TACR3: variants seen among roughly 807,000 people sequenced by gnomAD.
The protein encoded by TACR3 is neuromedin-K receptor.
TACR3 carries 34 observed loss-of-function variants against 35.0 expected under a neutral mutation model. The observed-to-expected ratio is 0.97, with a 90% CI of 0.74 to 1.30. The LOEUF (loss-of-function observed/expected upper bound fraction) is 1.30. Among genes scored for constraint, TACR3 ranks in the 50% most tolerant of loss-of-function variants. TACR3 has a pLI of 0.00. For synonymous variants in TACR3, 233 were observed against 221.1 expected, an observed-to-expected ratio of 1.05 and a Z score of -0.48; for missense variants, 558 against 591.7, an observed-to-expected ratio of 0.94 and a Z score of 0.59.
intron 1 of TACR3, among the ~76,000 whole-genome samples, chr4:103,661,329 C>T (rs555759024): frequency 6.6e-6 from 1 of 152,182 alleles, no homozygotes; most frequent in South Asian, 2.1e-4. Flanking sequence ...TGTTCCTGCT[C>T]ATGTTGATTA....
intron 3 of TACR3, among the ~76,000 whole-genome samples, chr4:103,654,275 T>C (rs1725683324): frequency 6.6e-6 from 1 of 151,614 alleles, no homozygotes; most frequent in East Asian, 1.9e-4. Context: ...CTATTCACAA[T>C]AGCAAAGACT....
At chr4:103,674,558 CTTGTT>C (rs550186928) in intron 1 of TACR3, among the ~76,000 whole-genome samples, 2 of 152,046 alleles carry the variant, frequency 1.3e-5, no homozygotes, top group Non-Finnish European at 2.9e-5. Flanking sequence ...ACATTTTTCT[CTTGTT>C]TTGTTTTGAG....
At chr4:103,590,064 A>G in intron 4 of TACR3, 70 bp from the exon 5 acceptor site, 1 of 1,549,196 alleles carries the variant, frequency 6.5e-7, no homozygotes, top group Non-Finnish European at 8.7e-7. Context: ...GCTGCCACAG[A>G]AAATTCTACC....
intron 1 of TACR3, among the ~76,000 whole-genome samples, chr4:103,711,941 T>C (rs1434297281): frequency 2.0e-5 from 3 of 152,136 alleles, no homozygotes; most frequent in East Asian, 3.9e-4. Context: ...TTACAAGGGA[T>C]GTGAAGGACC....
At chr4:103,709,582 G>A (rs1310506558) in intron 1 of TACR3, among the ~76,000 whole-genome samples, 3 of 152,160 alleles carry the variant, frequency 2.0e-5, no homozygotes, top group Non-Finnish European at 4.4e-5. Flanking sequence ...TCAATGCCAG[G>A]AAGAAACTGC....
At chr4:103,604,837 TTTA>T (rs1724310456) in intron 3 of TACR3, among the ~76,000 whole-genome samples, 1 of 148,070 alleles carries the variant, frequency 6.8e-6, no homozygotes, top group African/African-American at 2.7e-5. Context: ...TTTTTTTCTT[TTTA>T]TTATTATACT....
chr4:103,638,885 A>G (rs1327897018), intron 3 of TACR3, among the ~76,000 whole-genome samples: 5 of 152,152 alleles, frequency 3.3e-5, no homozygotes, highest in Non-Finnish European at 5.9e-5. Context: ...CAAAACCACA[A>G]TGAGATACCA....
chr4:103,659,093 C>T (rs75531369), intron 1 of TACR3, among the ~76,000 whole-genome samples: 5,538 of 152,150 alleles, frequency 0.036, 153 homozygotes, highest in Non-Finnish European at 0.057. Flanking sequence ...TGACAGGAGG[C>T]GGAGCTCAGG....
chr4:103,655,110 A>C (rs1725704837), intron 3 of TACR3, among the ~76,000 whole-genome samples: 2 of 152,204 alleles, frequency 1.3e-5, no homozygotes, highest in South Asian at 4.1e-4. Context: ...GCTCATTCTT[A>C]CTTTTTGTTT....
intron 1 of TACR3, among the ~76,000 whole-genome samples, chr4:103,716,641 GA>G (rs1723097218): frequency 2.0e-5 from 3 of 152,072 alleles, no homozygotes; most frequent in Admixed American, 2.0e-4. Flanking sequence ...AGAGTCATAA[GA>G]GGCTGCAACC....
In TACR3 at chr4:103,587,298, A is replaced by T. The variant is rs1026474759; in HGVS notation, c.*2384T>A. 2.0e-5 allele frequency: 3 copies of T among 152,074 alleles called. No individual in the cohort carries two copies. The highest frequency in any genetic ancestry group is 4.8e-5 in the African/African-American group (2 of 41,420). 9.4% of individuals were successfully genotyped at this position (152,074 alleles called of 1,614,324 possible). On this transcript the variant is annotated 3_prime_UTR_variant, in exon 5 of 5. Transcript: ENST00000304883. ...TCGTTTAAATTTTTGAACTTAAAAA[A>T]TTCTGCCTATAGGTCTCAGTTTAAG...
chr4:103,715,352 C>T (rs1041084299), intron 1 of TACR3, among the ~76,000 whole-genome samples: 2 of 152,216 alleles, frequency 1.3e-5, no homozygotes, highest in Admixed American at 6.5e-5. Context: ...ATGTGTGTAG[C>T]ACATTCCCTC....
intron 3 of TACR3, among the ~76,000 whole-genome samples, chr4:103,596,201 C>T (rs1449486401): frequency 2.0e-5 from 3 of 150,594 alleles, no homozygotes; most frequent in Non-Finnish European, 4.4e-5. Flanking sequence ...AATAGTGCCG[C>T]AATAAACATA....
chr4:103,691,709 G>A (rs761251885), intron 1 of TACR3, among the ~76,000 whole-genome samples: 17 of 152,228 alleles, frequency 1.1e-4, no homozygotes, highest in Admixed American at 4.6e-4. Flanking sequence ...CGGGAATGAG[G>A]GCAAGGAACA....
At chr4:103,596,617 A>G (rs1030683372) in intron 3 of TACR3, among the ~76,000 whole-genome samples, 1 of 152,054 alleles carries the variant, frequency 6.6e-6, no homozygotes, top group Non-Finnish European at 1.5e-5. Context: ...TTTTATTATT[A>G]TTATACTTTA....
chr4:103,643,791 A>G (rs886273406), intron 3 of TACR3, among the ~76,000 whole-genome samples: 1 of 151,806 alleles, frequency 6.6e-6, no homozygotes, highest in African/African-American at 2.4e-5. Context: ...GGCAATTGTT[A>G]TAGATTTCAT....
chr4:103,654,017 G>C (rs1215356827), intron 3 of TACR3, among the ~76,000 whole-genome samples: 2 of 142,872 alleles, frequency 1.4e-5, no homozygotes, highest in African/African-American at 5.8e-5. Context: ...ACACCAGTTA[G>C]AATGGCGAGC....
At chr4:103,641,759 G>A (rs1424905942) in intron 3 of TACR3, among the ~76,000 whole-genome samples, 3 of 151,838 alleles carry the variant, frequency 2.0e-5, no homozygotes, top group African/African-American at 4.8e-5. Context: ...GATAAAAAAC[G>A]TGGCATATAC....
chr4:103,650,604 AATATATAAATATATT>A (rs1157458871), intron 3 of TACR3, among the ~76,000 whole-genome samples: 1 of 100,610 alleles, frequency 9.9e-6, no homozygotes, highest in Non-Finnish European at 1.8e-5. Context: ...ATTTATATAA[AATATATAAATATATT>A]ATATATAAAT....
Sources: allele counts gnomAD v4.1 joint callset (sites outside exome capture counted in the v4.1 genomes callset), GRCh38; gene constraint gnomAD v4.1.1; transcripts MANE v1.5; gene names NCBI Gene and HGNC (gene_info 2026-07-23, HGNC 2026-07-21).